Variants in ERG observed in about 807,000 individuals in gnomAD.
The protein encoded by ERG is ETS transcription factor ERG.
In ERG, 9 loss-of-function variants were observed where a neutral mutation model predicts 55.3. That is an observed-to-expected ratio of 0.16 (90% CI 0.10 to 0.28). ERG has a LOEUF of 0.28. Among genes scored for constraint, ERG ranks in the 10% least tolerant of loss-of-function variants. ERG has a pLI of 1.00. For synonymous variants in ERG, 223 were observed against 237.3 expected, an observed-to-expected ratio of 0.94 and a Z score of 0.55; for missense variants, 434 against 631.6, an observed-to-expected ratio of 0.69 and a Z score of 3.35.
chr21:38,402,813 G>T (rs1336381630), intron 4 of ERG, among the ~76,000 whole-genome samples, 176 bp from the exon 5 acceptor site: 2 of 151,658 alleles, frequency 1.3e-5, no homozygotes, highest in African/African-American at 4.9e-5. Flanking sequence ...CCAGCAACCT[G>T]CTACTTGTTA....
At chr21:38,387,441 T>C (rs1987748093) in intron 9 of ERG, among the ~76,000 whole-genome samples, 1 of 152,198 alleles carries the variant, frequency 6.6e-6, no homozygotes, top group South Asian at 2.1e-4. Context: ...AGCACCAACT[T>C]TGGAGTTGCC....
At chr21:38,448,400 T>A (rs117651573) in intron 1 of ERG, among the ~76,000 whole-genome samples, 2,301 of 152,150 alleles carry the variant, frequency 0.015, 32 homozygotes, top group Non-Finnish European at 0.022. Context: ...AAGGGAAAAA[T>A]TCTGAAAATA....
At chr21:38,493,754 G>A (rs1172328077) in intron 1 of ERG, among the ~76,000 whole-genome samples, 1 of 152,090 alleles carries the variant, frequency 6.6e-6, no homozygotes, top group Non-Finnish European at 1.5e-5. Context: ...CCCTGTGTGT[G>A]GTACCTGCCC....
chr21:38,504,011 TGTGA>T (rs1307006911), intron 2 of ERG, among the ~76,000 whole-genome samples: 3 of 152,076 alleles, frequency 2.0e-5, no homozygotes, highest in South Asian at 2.1e-4. Flanking sequence ...TGTATGAGTG[TGTGA>T]GTGTGTGTAT....
chr21:38,556,954 C>A (rs1022990513), intron 2 of ERG, among the ~76,000 whole-genome samples: 28 of 152,324 alleles, frequency 1.8e-4, no homozygotes, highest in African/African-American at 6.3e-4. Context: ...CTCAGCAGAG[C>A]CTAACCCAAT....
intron 1 of ERG, among the ~76,000 whole-genome samples, chr21:38,581,403 T>C (rs559748239): frequency 1.3e-5 from 2 of 152,360 alleles, no homozygotes; most frequent in East Asian, 3.9e-4. Flanking sequence ...TTTGCCCTTG[T>C]CTCTCGTTTC....
intron 1 of ERG, among the ~76,000 whole-genome samples, chr21:38,451,708 C>T (rs2058943648): frequency 6.6e-6 from 1 of 152,146 alleles, no homozygotes. Flanking sequence ...ATAGACAATG[C>T]ACTTAGAGAA....
chr21:38,402,840 A>G (rs1342318594), intron 4 of ERG, among the ~76,000 whole-genome samples: 4 of 152,084 alleles, frequency 2.6e-5, no homozygotes, highest in Non-Finnish European at 5.9e-5. Flanking sequence ...TAAAACCTAC[A>G]TGGGGGCCCG....
intron 2 of ERG, among the ~76,000 whole-genome samples, chr21:38,568,695 C>T (rs62217460): frequency 1.3e-5 from 2 of 152,102 alleles, no homozygotes; most frequent in African/African-American, 2.4e-5. Context: ...CAAAATCTTA[C>T]GGAGCAGTAT....
chr21:38,539,673 C>CTGAAAA (rs1327805296), intron 2 of ERG, among the ~76,000 whole-genome samples: 33 of 152,084 alleles, frequency 2.2e-4, no homozygotes, highest in Non-Finnish European at 4.6e-4. Flanking sequence ...CCATTGAAGC[C>CTGAAAA]CCTGCCTGTC....
chr21:38,594,691 A>G (rs1011870200), intron 1 of ERG, among the ~76,000 whole-genome samples: 5 of 152,194 alleles, frequency 3.3e-5, no homozygotes, highest in African/African-American at 1.2e-4. Flanking sequence ...AGCAGAACCC[A>G]GATCATGAAA....
chr21:38,559,963 G>A lies in ERG; in HGVS notation c.-41+15699C>T, dbSNP rs76714951. Among the ~76,000 whole-genome samples the A allele has an allele frequency of 5.3e-3, 808 of 152,326 alleles. 4 individuals carry two copies. The highest frequency in any genetic ancestry group is 7.4e-3 in the Non-Finnish European group (502 of 68,022). ...CTCCCAAAGTGCTGGGATTATAGGC[G>A]TGAGACACCACACCCGGCCTCATCT... On this transcript the variant is annotated intron_variant, in intron 2 of 8. Transcript: ENST00000398897.
At chr21:38,606,427 T>C (rs1233057689) in intron 1 of ERG, among the ~76,000 whole-genome samples, 1 of 152,160 alleles carries the variant, frequency 6.6e-6, no homozygotes, top group Non-Finnish European at 1.5e-5. Context: ...GCTTACATTA[T>C]AGAGAATTCA....
chr21:38,495,658 T>C (rs2059373414), intron 1 of ERG, among the ~76,000 whole-genome samples: 1 of 152,196 alleles, frequency 6.6e-6, no homozygotes, highest in Non-Finnish European at 1.5e-5. Context: ...TATGTATTTC[T>C]TTTTAGGCAC....
intron 2 of ERG, among the ~76,000 whole-genome samples, chr21:38,541,003 A>C (rs2146794971): frequency 6.6e-6 from 1 of 152,206 alleles, no homozygotes; most frequent in South Asian, 2.1e-4. Context: ...CTGGGGAGGC[A>C]CTGGGGTGGA....
intron 1 of ERG, among the ~76,000 whole-genome samples, chr21:38,494,065 G>A (rs1031719322): frequency 3.9e-5 from 6 of 152,234 alleles, no homozygotes; most frequent in Admixed American, 2.0e-4. Context: ...TACAGGTGAC[G>A]AAACTGAGAT....
chr21:38,383,631 C>CGGGGGG lies in ERG; in HGVS notation c.1206_1211dup (p.Pro403_Pro404dup). 6.2e-7 allele frequency: 1 copy of CGGGGGG among 1,613,304 alleles called. No homozygotes were observed. Among genetic ancestry groups the CGGGGGG allele is most frequent in the Non-Finnish European group, 8.5e-7 (1 of 1,179,866 alleles). The stretch of plus-strand genomic sequence containing the variant: ...AGGGGTACTTGTACAGAGATGACTC[C>CGGGGGG]GGGGGGTGGGGCTGGAGGGCCTGGG... On this transcript the variant is annotated inframe_insertion, in exon 10 of 10. Transcript: ENST00000288319. The surrounding 1 kb of genome is among the most constrained non-coding windows in gnomAD (Gnocchi z 5.7).
intron 1 of ERG, among the ~76,000 whole-genome samples, chr21:38,496,271 A>T (rs962466525): frequency 6.6e-6 from 1 of 152,194 alleles, no homozygotes; most frequent in Non-Finnish European, 1.5e-5. Flanking sequence ...CTAATCGACT[A>T]ATTGATTTAT....
upstream of ERG, among the ~76,000 whole-genome samples, chr21:38,588,375 C>T (rs2060079845): frequency 6.6e-6 from 1 of 152,150 alleles, no homozygotes; most frequent in Non-Finnish European, 1.5e-5. Flanking sequence ...ACCACATGAC[C>T]CCTGGGATTC....
Sources: gnomAD v4.1 joint callset for allele counts (sites outside exome capture counted in the v4.1 genomes callset) on GRCh38, gnomAD v4.1.1 for gene constraint, Gnocchi (gnomAD v3.1) non-coding constraint, MANE v1.5 for transcripts, NCBI Gene and HGNC (gene_info 2026-07-23, HGNC 2026-07-21) for gene names.